The following LIPE variants were observed in gnomAD, a reference collection of about 807,000 sequenced individuals.
LIPE encodes the protein lipase E, hormone sensitive type, also known as hormone-sensitive lipase.
LIPE carries 66 observed loss-of-function variants against 88.5 expected under a neutral mutation model. The observed-to-expected ratio is 0.75, with a 90% confidence interval of 0.61 to 0.91. The LOEUF (loss-of-function observed/expected upper bound fraction) is 0.91. LIPE is among the 40% of genes least tolerant of loss of function. The pLI, the probability that LIPE is intolerant of heterozygous loss-of-function variation, is 0.00. For missense variants in LIPE, 1,346 were observed against 1,434.7 expected, an observed-to-expected ratio of 0.94 and a Z score of 1.00; for synonymous variants, 570 against 617.5, an observed-to-expected ratio of 0.92 and a Z score of 1.14.
chr19:42,407,059 TG>T lies in LIPE; in HGVS notation c.2137+114del. On this transcript the variant is annotated intron_variant, in intron 6 of 9. Transcript: ENST00000244289. The surrounding 1 kb of genome is among the most constrained non-coding windows in gnomAD (Gnocchi z 5.8). ...GGGCAGGACCTGGGTGAGCAGGAGCTGGGAGGTGTGGGGGGAGAGAAAGGTA... is the reference window on the plus strand; with the variant it reads ...GGGCAGGACCTGGGTGAGCAGGAGCTGGAGGTGTGGGGGGAGAGAAAGGTA... The T allele has an allele frequency of 1.1e-6, 1 of 900,380 alleles. No individual in the cohort carries two copies. The highest frequency in any genetic ancestry group is 1.6e-6 in the Non-Finnish European group (1 of 613,164). The allele number at this position is 900,380 out of a possible 1,614,324, so 55.8% of individuals were successfully genotyped here.
rs1225798732 is a variant in LIPE at position 42,410,445 on chromosome 19, G to A, written c.1281C>T (p.Tyr427=). The A allele has an allele frequency of 1.1e-5, 18 of 1,614,068 alleles. No individual in the cohort carries two copies. Among genetic ancestry groups the A allele is most frequent in the South Asian group, 6.6e-5 (6 of 91,096 alleles). Residue 427 remains tyrosine, a synonymous_variant, in exon 2 of 10, where the codon TAC becomes TAT. Coordinates refer to ENST00000244289, the MANE Select transcript of LIPE (RefSeq NM_005357.4). This position sits in a 1 kb window ranked among gnomAD's most constrained non-coding sequence, Gnocchi z 6.1. The part of the protein sequence containing the change: ...AALTQLRALV[Y]YAQRLLVTNR... ...TGGTAACCAGCAGGCGCTGGGCGTA[G>A]TAGACCAGAGCGCGGAGCTGGGTGA...
At chr19:42,423,623 G>C (rs1044250869) in intron 1 of LIPE, 2 of 1,185,602 alleles carry the variant, frequency 1.7e-6, no homozygotes, top group South Asian at 1.5e-5. Flanking sequence ...CTACTGTCGG[G>C]CCCCCCTATT....
intron 1 of LIPE, chr19:42,412,125 C>T (rs2040393012): frequency 1.0e-5 from 3 of 298,804 alleles, no homozygotes; most frequent in Non-Finnish European, 1.5e-5. Flanking sequence ...CTTTCCAGTC[C>T]CCAGTGATCT....
chr19:42,426,908 G>T lies in LIPE; in HGVS notation c.242C>A (p.Ser81Tyr), dbSNP rs750192801. ...GGCAAGAAATTCCTCTTGTGAAGCA[G>T]ATTTTTGTTGGGCTCTAGGTTCCTT... ...SQKEPRAQQK[S>Y]ASQEEFLAPQ... The change falls in exon 1 of 10, where the codon TCT becomes TAT. Residue 81 changes from serine to tyrosine, a missense_variant. Ser to Tyr is a moderately radical substitution (Grantham distance 144, BLOSUM62 -2). Coordinates refer to ENST00000244289, the MANE Select transcript of LIPE (RefSeq NM_005357.4). The T allele has an allele frequency of 6.2e-7, 1 of 1,614,078 alleles. No homozygotes were observed. The highest frequency in any genetic ancestry group is 1.3e-5 in the African/African-American group (1 of 74,930).
intron 1 of LIPE, among the ~76,000 whole-genome samples, chr19:42,418,795 TG>T (rs763652704): frequency 2.6e-5 from 4 of 152,244 alleles, no homozygotes; most frequent in Non-Finnish European, 5.9e-5. Context: ...TCAAGTGGTC[TG>T]GAATTGAACC....
At chr19:42,416,435 C>T (rs2040489348) in intron 1 of LIPE, among the ~76,000 whole-genome samples, 1 of 152,126 alleles carries the variant, frequency 6.6e-6, no homozygotes, top group African/African-American at 2.4e-5. Context: ...TTGATGAAGA[C>T]GGCTACATTA....
intron 1 of LIPE, chr19:42,424,122 C>G (rs1179950275): frequency 8.4e-7 from 1 of 1,196,800 alleles, no homozygotes; most frequent in Admixed American, 3.4e-5. Context: ...CCTCTCCTGT[C>G]TCCTAGTTCT....
chr19:42,410,342 T>C lies in LIPE; in HGVS notation c.1384A>G (p.Lys462Glu). Residue 462 changes from lysine to glutamate, a missense_variant, in exon 2 of 10, where the codon AAG becomes GAG. Physicochemically the swap from Lys to Glu is moderately conservative, Grantham distance 56. Transcript: ENST00000244289. The surrounding 1 kb of genome is among the most constrained non-coding windows in gnomAD (Gnocchi z 6.1). ...AGGCAGCGGCCATAGAAGCATCCCT[T>C]ATGCAGCGTGACATACTCCCGGAGG... The part of the protein sequence containing the change: ...DFLREYVTLH[K>E]GCFYGRCLGF... 6.2e-7 allele frequency: 1 copy of C among 1,610,272 alleles called. No individual in the cohort carries two copies. The highest frequency in any genetic ancestry group is 8.5e-7 in the Non-Finnish European group (1 of 1,178,260).
In LIPE at chr19:42,407,852, T is replaced by C. The variant is rs1444397249; in HGVS notation, c.1657-61A>G. On this transcript the variant is annotated intron_variant, in intron 4 of 9. Transcript: ENST00000244289. This position sits in a 1 kb window ranked among gnomAD's most constrained non-coding sequence, Gnocchi z 5.8. ...TCTGCCTGCAGGGGTGCCCTTCACC[T>C]CTCCCTCTGATCCCCAGTCTTTCCC... is the stretch of plus-strand genomic sequence containing the variant. 20 of 1,549,038 alleles carry C rather than the reference T, an allele frequency of 1.3e-5. No homozygotes were observed. The highest frequency in any genetic ancestry group is 1.7e-5 in the Non-Finnish European group (19 of 1,147,434).
chr19:42,407,544 A>G lies in LIPE; in HGVS notation c.1842+62T>C, dbSNP rs1046613994. ...GCTGCACCCCTCCATGGGGATGCCA[A>G]GGTGGGGGCTGCCCACGCTCCTCGG... On this transcript the variant is annotated intron_variant, in intron 5 of 9. Transcript: ENST00000244289. The surrounding 1 kb of genome is among the most constrained non-coding windows in gnomAD (Gnocchi z 5.8). 15 of 1,574,196 alleles carry G rather than the reference A, an allele frequency of 9.5e-6. No homozygotes were observed. Among genetic ancestry groups the G allele is most frequent in the Non-Finnish European group, 1.2e-5 (14 of 1,156,564 alleles).
chr19:42,422,008 G>T (rs985437853), intron 1 of LIPE, among the ~76,000 whole-genome samples: 1 of 152,212 alleles, frequency 6.6e-6, no homozygotes, highest in Non-Finnish European at 1.5e-5. Flanking sequence ...TGATTATTAT[G>T]ATCTCTGTTA....
chr19:42,401,702 C>G lies in LIPE; in HGVS notation c.*110G>C. On this transcript the variant is annotated 3_prime_UTR_variant, in exon 10 of 10. Transcript: ENST00000244289. ...GAGGGTCTCAGCTTTCGGGCCCCCG[C>G]CCCGCCCCCTTGCCACCCCCGACTT... is the stretch of plus-strand genomic sequence containing the variant. The G allele has an allele frequency of 3.5e-6, 1 of 285,246 alleles. No individual in the cohort carries two copies. Among genetic ancestry groups the G allele is most frequent in the South Asian group, 4.6e-5 (1 of 21,594 alleles). 17.7% of individuals were successfully genotyped at this position (285,246 alleles called of 1,614,324 possible).
chr19:42,425,628 A>G (rs1002919163), intron 1 of LIPE, among the ~76,000 whole-genome samples: 1 of 152,130 alleles, frequency 6.6e-6, no homozygotes, highest in East Asian at 1.9e-4. Context: ...CCTGGGCAAC[A>G]TAGCGAGGCC....
chr19:42,402,058 G>A lies in LIPE; in HGVS notation c.2985C>T (p.Pro995=), dbSNP rs370837760. The stretch of plus-strand genomic sequence containing the variant: ...CGAGCATGACCGAGTCGTCCAGCAT[G>A]GGGTCCAGCGCGCACGCCTACGGGA... ...PVHIVACALD[P]MLDDSVMLAR... The change falls in exon 10 of 10, where the codon CCC becomes CCT. Residue 995 remains proline (P), a synonymous_variant. Coordinates refer to ENST00000244289, the MANE Select transcript of LIPE (RefSeq NM_005357.4). 8.9e-4 allele frequency: 1,332 copies of A among 1,504,350 alleles called. 1 individual carries two copies. The highest frequency in any genetic ancestry group is 1.4e-3 in the Admixed American group (64 of 47,042). The allele number at this position is 1,504,350 out of a possible 1,614,324, so 93.2% of individuals were successfully genotyped here.
chr19:42,425,600 C>T (rs1048814323), intron 1 of LIPE, among the ~76,000 whole-genome samples: 3 of 152,056 alleles, frequency 2.0e-5, no homozygotes, highest in Non-Finnish European at 4.4e-5. Flanking sequence ...TTGCTTGGGG[C>T]CAGGAGTTCG....
intron 1 of LIPE, among the ~76,000 whole-genome samples, chr19:42,413,845 G>T (rs1258192493): frequency 6.6e-6 from 1 of 152,210 alleles, no homozygotes; most frequent in African/African-American, 2.4e-5. Flanking sequence ...GATATATGAA[G>T]CAGGAAGGAA....
chr19:42,407,561 G>C lies in LIPE; in HGVS notation c.1842+45C>G, dbSNP rs567084799. 6.3e-7 allele frequency: 1 copy of C among 1,576,940 alleles called. No homozygotes were observed. The highest frequency in any genetic ancestry group is 1.2e-5 in the South Asian group (1 of 85,146). On this transcript the variant is annotated intron_variant, in intron 5 of 9. Transcript: ENST00000244289. This position sits in a 1 kb window ranked among gnomAD's most constrained non-coding sequence, Gnocchi z 5.8. Reference sequence around the variant, plus strand: ...GGATGCCAAGGTGGGGGCTGCCCACGCTCCTCGGCTCTGTCCCTGTCCCTG... The same window carrying C: ...GGATGCCAAGGTGGGGGCTGCCCACCCTCCTCGGCTCTGTCCCTGTCCCTG...
At chr19:42,409,970 G>A (rs1185351260) in intron 2 of LIPE, among the ~76,000 whole-genome samples, 1 of 152,166 alleles carries the variant, frequency 6.6e-6, no homozygotes, top group Admixed American at 6.5e-5. Flanking sequence ...ATCCCTCCCT[G>A]AGGGGTCTCA....
rs2040713708 is a variant in LIPE at position 42,426,672 on chromosome 19, G to T, written c.478C>A (p.Gln160Lys). 1 of 1,614,124 alleles carries T rather than the reference G, an allele frequency of 6.2e-7. No homozygotes were observed. Among genetic ancestry groups the T allele is most frequent in the Non-Finnish European group, 8.5e-7 (1 of 1,180,050 alleles). The change falls in exon 1 of 10, where the codon CAG (glutamine) becomes AAG (lysine). Residue 160 changes from glutamine (Q) to lysine (K), a missense_variant. By Grantham distance (53) the Gln-to-Lys change is moderately conservative (BLOSUM62 1). Coordinates refer to ENST00000244289, the MANE Select transcript of LIPE (RefSeq NM_005357.4). ...QQEAESTPAA[Q>K]AKPGAKREPS... Reference sequence around the variant, plus strand: ...TCCCTTTTGGCTCCAGGTTTAGCCTGGGCCGCAGGTGTTGATTCAGCTTCT... The same window carrying T: ...TCCCTTTTGGCTCCAGGTTTAGCCTTGGCCGCAGGTGTTGATTCAGCTTCT...
Sources: gnomAD v4.1 joint callset for allele counts (sites outside exome capture counted in the v4.1 genomes callset) on GRCh38, gnomAD v4.1.1 for gene constraint, Gnocchi (gnomAD v3.1) non-coding constraint, MANE v1.5 for transcripts, NCBI Gene and HGNC (gene_info 2026-07-23, HGNC 2026-07-21) for gene names.